Variants in TM9SF4 observed in about 807,000 individuals in gnomAD.
The protein encoded by TM9SF4 is dinucleotide oxidase disulfide thiol exchanger 3 superfamily member 4.
In TM9SF4, 26 loss-of-function variants were observed where a neutral mutation model predicts 90.4. The observed-to-expected ratio is 0.29, with a 90% confidence interval of 0.21 to 0.40. The LOEUF (loss-of-function observed/expected upper bound fraction) is 0.40, where lower values mean the gene tolerates loss of function less well. Among genes scored for constraint, TM9SF4 ranks in the 10% least tolerant of loss-of-function variants. TM9SF4 has a pLI of 1.00. For missense variants in TM9SF4, 549 were observed against 834.8 expected (o/e 0.66, Z 4.22); for synonymous variants, 293 against 315.4 (o/e 0.93, Z 0.75).
intron 17 of TM9SF4, among the ~76,000 whole-genome samples, chr20:32,161,736 A>G (rs1051815298): frequency 6.6e-6 from 1 of 152,240 alleles, no homozygotes. Context: ...AGTAACATGA[A>G]AGAAGAAAAG....
chr20:32,146,034 G>A (rs1235327047), intron 8 of TM9SF4, among the ~76,000 whole-genome samples: 2 of 152,168 alleles, frequency 1.3e-5, no homozygotes, highest in East Asian at 1.9e-4. Context: ...GGTAGGCAGG[G>A]GTAGAATGAC....
At chr20:32,133,325 C>T (rs62205021) in intron 2 of TM9SF4, among the ~76,000 whole-genome samples, 199 bp downstream of exon 2, 35 of 152,274 alleles carry the variant, frequency 2.3e-4, no homozygotes, top group Admixed American at 3.3e-4. Flanking sequence ...GTCTCTGTCC[C>T]TGTGTATGCT....
At chr20:32,129,247 C>G (rs949260518) in intron 1 of TM9SF4, among the ~76,000 whole-genome samples, 2 of 152,096 alleles carry the variant, frequency 1.3e-5, no homozygotes, top group Non-Finnish European at 2.9e-5. Context: ...TATCTCAGCA[C>G]TTTGGGAGGC....
chr20:32,126,068 A>AACACACACACACACACACACACAC (rs71185382), intron 1 of TM9SF4, among the ~76,000 whole-genome samples: 1 of 138,596 alleles, frequency 7.2e-6, no homozygotes, highest in Non-Finnish European at 1.5e-5. Flanking sequence ...CTTTCCCGTA[A>AACACACACACACACACACACACAC]ACACACACAC....
chr20:32,157,035 C>T (rs2046935752), intron 13 of TM9SF4, among the ~76,000 whole-genome samples: 2 of 143,082 alleles, frequency 1.4e-5, no homozygotes, highest in Admixed American at 1.5e-4. Flanking sequence ...GCAACCTCCA[C>T]CTCCCAGGTT....
rs1257596791 is a variant in TM9SF4 at position 32,122,174 on chromosome 20, C to T, written c.16-10839C>T. ...CGGGGGGGGTGACCCCCCCACCTCCCTCCCGGACGGGGCGGCTGGCCGGGC... is the reference window on the plus strand; with the variant it reads ...CGGGGGGGGTGACCCCCCCACCTCCTTCCCGGACGGGGCGGCTGGCCGGGC... On this transcript the variant is annotated intron_variant, in intron 1 of 17. Coordinates refer to ENST00000398022, the MANE Select transcript of TM9SF4 (RefSeq NM_014742.4). 1.7e-4 allele frequency among the ~76,000 whole-genome samples: 25 copies of T among 143,020 alleles called. 1 individual carries two copies. Among genetic ancestry groups the T allele is most frequent in the African/African-American group, 6.1e-4 (23 of 37,850 alleles). 93.8% of individuals were successfully genotyped at this position (143,020 alleles called of 152,430 possible). A position where few individuals can be genotyped will look rare whatever the true frequency, so the allele number is the denominator to read the frequency against.
intron 12 of TM9SF4, among the ~76,000 whole-genome samples, chr20:32,152,113 G>A (rs1432727146): frequency 3.3e-5 from 5 of 150,726 alleles, no homozygotes; most frequent in East Asian, 1.9e-4. Flanking sequence ...CTCATGATCC[G>A]CCCGCCTCGG....
At chr20:32,123,866 A>ATATTT in intron 1 of TM9SF4, among the ~76,000 whole-genome samples, 7,386 of 93,846 alleles carry the variant, frequency 0.079, 447 homozygotes, top group Non-Finnish European at 0.1. Context: ...ATATATATAT[A>ATATTT]TTTTTTTTTT....
intron 7 of TM9SF4, 36 bp downstream of exon 7, chr20:32,145,245 G>A: frequency 6.2e-7 from 1 of 1,613,424 alleles, no homozygotes; most frequent in Non-Finnish European, 8.5e-7. Context: ...CAGGGGAGGA[G>A]GGCTCTGGTC....
intron 13 of TM9SF4, among the ~76,000 whole-genome samples, chr20:32,157,197 C>T (rs1298837680): frequency 6.6e-6 from 1 of 152,078 alleles, no homozygotes; most frequent in Admixed American, 6.6e-5. Flanking sequence ...AAGTGATCTG[C>T]CCACCTCAGC....
chr20:32,122,908 T>C (rs1249189999), intron 1 of TM9SF4, among the ~76,000 whole-genome samples: 3 of 151,910 alleles, frequency 2.0e-5, no homozygotes, highest in Non-Finnish European at 4.4e-5. Flanking sequence ...AGACTCCGTC[T>C]GCAATCCCGG....
In TM9SF4 at chr20:32,137,711, A is replaced by T. The variant is rs144561373; in HGVS notation, c.229+1538A>T. ...TTGCGTGACTGTTGGATTGTAAGCC[A>T]TTTACATCATCATCCTCATCATCAT... On this transcript the variant is annotated intron_variant, in intron 3 of 17. Transcript: ENST00000398022. Among the ~76,000 whole-genome samples, 24 of 152,314 alleles carry T rather than the reference A, an allele frequency of 1.6e-4. No individual in the cohort carries two copies. In the East Asian group the frequency reaches 4.6e-3, roughly 29 times the overall value.
chr20:32,128,486 A>G (rs1011045402), intron 1 of TM9SF4, among the ~76,000 whole-genome samples: 1 of 152,178 alleles, frequency 6.6e-6, no homozygotes, highest in African/African-American at 2.4e-5. Context: ...GCTTTGTTAC[A>G]TGGGTAGATT....
chr20:32,143,068 C>G lies in TM9SF4; in HGVS notation c.615C>G (p.Val205=), dbSNP rs1362074596. ...ACCAGGAGCACACGTACCGTGTCGT[C>G]CGCTTCGAGGTGATTCCCCAGAGCA... ...EEDQEHTYRV[V]RFEVIPQSIR... The change falls in exon 6 of 18, where the codon GTC becomes GTG. Residue 205 remains valine (V), a synonymous_variant. Coordinates refer to ENST00000398022, the MANE Select transcript of TM9SF4 (RefSeq NM_014742.4). 1 of 1,613,706 alleles carries G rather than the reference C, an allele frequency of 6.2e-7. No homozygotes were observed. Among genetic ancestry groups the G allele is most frequent in the African/African-American group, 1.3e-5 (1 of 74,908 alleles).
chr20:32,158,110 A>G (rs2046957669), intron 14 of TM9SF4, 141 bp downstream of exon 14: 15 of 1,205,730 alleles, frequency 1.2e-5, no homozygotes, highest in Middle Eastern at 2.6e-4. Flanking sequence ...CTTCACTCCA[A>G]GATCAAGGTG....
chr20:32,149,610 C>G, intron 9 of TM9SF4, 24 bp from the exon 10 acceptor site: 4 of 1,614,180 alleles, frequency 2.5e-6, no homozygotes, highest in Non-Finnish European at 3.4e-6. Flanking sequence ...CAACAACCAG[C>G]CTCACTCTGG....
intron 2 of TM9SF4, among the ~76,000 whole-genome samples, chr20:32,133,855 G>A (rs1472297131): frequency 1.3e-5 from 2 of 152,178 alleles, no homozygotes; most frequent in Non-Finnish European, 2.9e-5. Context: ...TGCCTAAGCT[G>A]GAGTGCAGTG....
chr20:32,131,293 G>T (rs987802383), intron 1 of TM9SF4, among the ~76,000 whole-genome samples: 1 of 152,222 alleles, frequency 6.6e-6, no homozygotes, highest in Non-Finnish European at 1.5e-5. Flanking sequence ...TTGCTTAAAA[G>T]ACTTTGACCA....
intron 3 of TM9SF4, among the ~76,000 whole-genome samples, chr20:32,141,245 T>C (rs1275493610): frequency 8.0e-6 from 1 of 125,012 alleles, no homozygotes; most frequent in Non-Finnish European, 1.6e-5. Flanking sequence ...AAAAAAAGGA[T>C]GTGATGCTTG....
Sources: allele counts gnomAD v4.1 joint callset (sites outside exome capture counted in the v4.1 genomes callset), GRCh38; gene constraint gnomAD v4.1.1; transcripts MANE v1.5; gene names NCBI Gene and HGNC (gene_info 2026-07-23, HGNC 2026-07-21).